Variants in LAMB3 observed in about 807,000 individuals in gnomAD.
LAMB3 encodes laminin subunit beta 3.
In LAMB3, 104 loss-of-function variants were observed where a neutral mutation model predicts 140.3. The ratio of observed to expected loss-of-function variants is 0.74; its 90% CI spans 0.63 to 0.87. The LOEUF is 0.87. Ranked by LOEUF, LAMB3 falls within the 40% of genes least tolerant of loss-of-function variation. The probability of loss-of-function intolerance (pLI) is 0.00; values close to 1 mark genes in which losing one functional copy is unlikely to be tolerated. For synonymous variants in LAMB3, 592 were observed against 602.9 expected, an observed-to-expected ratio of 0.98 and a Z score of 0.26; for missense variants, 1,531 against 1,575.2, an observed-to-expected ratio of 0.97 and a Z score of 0.47.
chr1:209,618,816 G>T (rs986042289), intron 18 of LAMB3, 157 bp from the exon 19 acceptor site: 5 of 705,520 alleles, frequency 7.1e-6, no homozygotes, highest in South Asian at 1.6e-5. Flanking sequence ...AGACTCAGGC[G>T]CCTGTTCTCC....
chr1:209,622,782 G>A, intron 17 of LAMB3, 102 bp from the exon 18 acceptor site: 1 of 1,520,906 alleles, frequency 6.6e-7, no homozygotes, highest in South Asian at 1.1e-5. Context: ...ACCTACCTAG[G>A]AAGCATTTGT....
In LAMB3 at chr1:209,623,590, C is replaced by T. The variant is rs1425608024; in HGVS notation, c.2273G>A (p.Gly758Glu). The change falls in exon 16 of 23, where the codon GGA becomes GAA. Residue 758 changes from glycine to glutamate, a missense_variant. Gly to Glu is a moderately conservative substitution (Grantham distance 98, BLOSUM62 -2). Coordinates refer to ENST00000356082, the MANE Select transcript of LAMB3 (RefSeq NM_000228.3). The surrounding 1 kb of genome is among the most constrained non-coding windows in gnomAD (Gnocchi z 4.2). ...CTTGGGGCTGCCGGTGCCTCCTCCT[C>T]CTCCCGCCTGCCGCACCAGCCTCTC... is the stretch of plus-strand genomic sequence containing the variant. Reference protein sequence around the residue: ...EAERLVRQAGGGGGTGSPKLV... With the variant: ...EAERLVRQAGEGGGTGSPKLV... 9 of 1,613,958 alleles carry T rather than the reference C, an allele frequency of 5.6e-6. No homozygotes were observed. The highest frequency in any genetic ancestry group is 2.2e-5 in the East Asian group (1 of 44,880).
At chr1:209,630,336 A>C (rs1432655100) in intron 9 of LAMB3, among the ~76,000 whole-genome samples, 4 of 152,192 alleles carry the variant, frequency 2.6e-5, no homozygotes, top group Non-Finnish European at 5.9e-5. Flanking sequence ...TTGAAGTAGG[A>C]AAAATGACAA....
rs187400139 is a variant in LAMB3 at position 209,643,451 on chromosome 1, G to T, written c.184-4803C>A. Among the ~76,000 whole-genome samples, 157 of 152,260 alleles carry T rather than the reference G, an allele frequency of 1.0e-3. 1 individual carries two copies. The South Asian group carries it at 0.011, about 11-fold the overall frequency. Reference sequence around the variant, plus strand: ...GCCTGTCAGGCCTCCAGCCAGTTTGGCTCCTACTTGCTCTCCAGCTGGAAA... The same window carrying T: ...GCCTGTCAGGCCTCCAGCCAGTTTGTCTCCTACTTGCTCTCCAGCTGGAAA... On this transcript the variant is annotated intron_variant, in intron 3 of 22. Coordinates refer to ENST00000356082, the MANE Select transcript of LAMB3 (RefSeq NM_000228.3).
chr1:209,628,556 G>A (rs1414201217), intron 10 of LAMB3, among the ~76,000 whole-genome samples: 2 of 152,142 alleles, frequency 1.3e-5, no homozygotes, highest in East Asian at 3.9e-4. Flanking sequence ...AATTAGCCAG[G>A]CACGGTGGCG....
chr1:209,622,744 G>A (rs1028361264), intron 17 of LAMB3, 64 bp from the exon 18 acceptor site: 12 of 1,596,000 alleles, frequency 7.5e-6, no homozygotes, highest in African/African-American at 2.7e-5. Context: ...GCAGCCCCAC[G>A]ATTCTGCGGA....
At chr1:209,628,269 G>T in intron 10 of LAMB3, 79 bp from the exon 11 acceptor site, 2 of 1,489,046 alleles carry the variant, frequency 1.3e-6, no homozygotes, top group Non-Finnish European at 1.8e-6. Context: ...CAGGCTGCCT[G>T]GTTCAAATCC....
At position 209,633,152 on chromosome 1, in the gene LAMB3, G is replaced by A. The variant is rs201404357; in HGVS notation, c.565-19C>T. 4.0e-5 allele frequency: 64 copies of A among 1,581,068 alleles called. No individual in the cohort carries two copies. The African/African-American group carries it at 6.1e-4, about 15-fold the overall frequency. On this transcript the variant is annotated intron_variant, in intron 6 of 22. Transcript: ENST00000356082. ...GTTGGACCTACAGAGGGAAGGGAAA[G>A]AGAAGCGCTGAAGAAGAGACAAATA...
chr1:209,644,983 C>T (rs2076503267), intron 3 of LAMB3, among the ~76,000 whole-genome samples: 1 of 152,214 alleles, frequency 6.6e-6, no homozygotes, highest in African/African-American at 2.4e-5. Flanking sequence ...AGAAGCCAGG[C>T]TAGCAAAGTT....
In LAMB3 at chr1:209,630,744, G is replaced by A; in HGVS notation, c.823-9C>T. The A allele has an allele frequency of 6.2e-7, 1 of 1,613,668 alleles. No homozygotes were observed. The highest frequency in any genetic ancestry group is 8.5e-7 in the Non-Finnish European group (1 of 1,179,968). ...ACACAGACATCGTGGACCTGGGAGG[G>A]GGACCGTCAGCCATCAGGAGTAATC... On this transcript the variant is annotated splice_polypyrimidine_tract_variant and intron_variant, in intron 8 of 22. Transcript: ENST00000356082.
chr1:209,627,196 A>G (rs921149337), intron 12 of LAMB3, among the ~76,000 whole-genome samples, 187 bp downstream of exon 12: 4 of 152,176 alleles, frequency 2.6e-5, no homozygotes. Context: ...TGCATATGGT[A>G]TTACTGACGG....
In LAMB3 at chr1:209,638,531, C is replaced by A; in HGVS notation, c.298+3G>T. On this transcript the variant is annotated splice_donor_region_variant and intron_variant, in intron 4 of 22. Transcript: ENST00000356082. Reference sequence around the variant, plus strand: ...TGAGTTCCCGTAGATGGCAAATGCTCACCATTCTGTGACTGCCACCAGCGC... The same window carrying A: ...TGAGTTCCCGTAGATGGCAAATGCTAACCATTCTGTGACTGCCACCAGCGC... 6.3e-7 allele frequency: 1 copy of A among 1,585,260 alleles called. No individual in the cohort carries two copies. The highest frequency in any genetic ancestry group is 8.7e-7 in the Non-Finnish European group (1 of 1,153,356).
Position 209,623,847 on chromosome 1 carries a change from A to G in LAMB3, c.2130T>C (p.Asp710=). The change falls in exon 15 of 23, where the codon GAT becomes GAC. Residue 710 remains aspartate, a synonymous_variant. Coordinates refer to ENST00000356082, the MANE Select transcript of LAMB3 (RefSeq NM_000228.3). This position sits in a 1 kb window ranked among gnomAD's most constrained non-coding sequence, Gnocchi z 4.2. The stretch of plus-strand genomic sequence containing the variant: ...GGGTGCCCCTCTCCTCACCTGAAGG[A>G]TCAGCACTGCTTATTTTTTCAAACT... ...REQFEKISSA[D]PSGAFRMLST... is the part of the protein sequence containing the mutation. 6.2e-7 allele frequency: 1 copy of G among 1,614,204 alleles called. No homozygotes were observed. The highest frequency in any genetic ancestry group is 8.5e-7 in the Non-Finnish European group (1 of 1,180,034).
chr1:209,638,640 C>T lies in LAMB3; in HGVS notation c.192G>A (p.Met64Ile). 6.2e-7 allele frequency: 1 copy of T among 1,608,382 alleles called. No homozygotes were observed. The highest frequency in any genetic ancestry group is 1.7e-5 in the Admixed American group (1 of 60,014). ...TYCTQYGEWQMKCCKCDSRQP... is the reference protein window; with the variant it reads ...TYCTQYGEWQIKCCKCDSRQP... The stretch of plus-strand genomic sequence containing the variant: ...GCCTGGAGTCACACTTGCAGCATTT[C>T]ATCTGCCACTGTGGGAGAGGGAGAT... The change falls in exon 4 of 23, where the codon ATG becomes ATA. Residue 64 changes from methionine (M) to isoleucine (I), a missense_variant. Physicochemically the swap from Met to Ile is conservative, Grantham distance 10. Transcript: ENST00000356082.
intron 5 of LAMB3, among the ~76,000 whole-genome samples, chr1:209,637,586 CAGAGTA>C (rs1296445176): frequency 1.3e-5 from 2 of 152,046 alleles, no homozygotes; most frequent in African/African-American, 4.8e-5. Context: ...GTTATTAAAA[CAGAGTA>C]TACCAAGAAT....
intron 20 of LAMB3, 54 bp from the exon 21 acceptor site, chr1:209,617,640 G>T: frequency 1.3e-6 from 2 of 1,596,242 alleles, no homozygotes; most frequent in Non-Finnish European, 1.7e-6. Flanking sequence ...AGGTCGGGGG[G>T]TTCATCCCCA....
At position 209,650,980 on chromosome 1, in the gene LAMB3, T is replaced by A. The variant is rs757463127; in HGVS notation, c.-36A>T. The A allele has an allele frequency of 1.6e-5, 26 of 1,610,990 alleles. No individual in the cohort carries two copies. Among genetic ancestry groups the A allele is most frequent in the Non-Finnish European group, 1.8e-5 (21 of 1,177,266 alleles). On this transcript the variant is annotated splice_region_variant and 5_prime_UTR_variant, in exon 2 of 23. Transcript: ENST00000356082. ...TGGGGTGATCCCCAGAAAGGACCTT[T>A]CCTAGGACACAGCAAAGCAAACTGG...
intron 1 of LAMB3, chr1:209,651,422 C>T (rs950051970): frequency 2.6e-5 from 5 of 193,156 alleles, no homozygotes; most frequent in Admixed American, 1.1e-4. Flanking sequence ...AACCCAGCCC[C>T]GCCCAAAGTG....
Position 209,625,944 on chromosome 1 carries a change from G to C in LAMB3, c.1680C>G (p.Thr560=). ...SGRCLCRPGL[T]GPRCDQCQRG... ...GCTGGCACTGGTCACAGCGGGGCCC[G>C]GTCAAGCCAGGGCGGCAGAGGCAGC... is the stretch of plus-strand genomic sequence containing the variant. The change falls in exon 14 of 23, where the codon ACC becomes ACG. Residue 560 remains threonine (T), a synonymous_variant. Transcript: ENST00000356082. 1 of 1,613,762 alleles carries C rather than the reference G, an allele frequency of 6.2e-7. No homozygotes were observed. Among genetic ancestry groups the C allele is most frequent in the Non-Finnish European group, 8.5e-7 (1 of 1,179,870 alleles).
Sources: allele counts gnomAD v4.1 joint callset (sites outside exome capture counted in the v4.1 genomes callset), GRCh38; gene constraint gnomAD v4.1.1; non-coding constraint Gnocchi (gnomAD v3.1); transcripts MANE v1.5; gene names NCBI Gene and HGNC (gene_info 2026-07-23, HGNC 2026-07-21).